MAD1L1: variants seen among roughly 807,000 people sequenced by gnomAD.
The protein encoded by MAD1L1 is mitotic arrest deficient 1 like 1.
In MAD1L1, 95 loss-of-function variants were observed where a neutral mutation model predicts 96.9. The ratio of observed to expected loss-of-function variants is 0.98; its 90% CI spans 0.83 to 1.16. The LOEUF (loss-of-function observed/expected upper bound fraction) is 1.16, where lower values mean the gene tolerates loss of function less well. Among genes scored for constraint, MAD1L1 ranks in the 50% most tolerant of loss-of-function variants. MAD1L1 has a pLI of 0.00. For synonymous variants in MAD1L1, 473 were observed against 396.6 expected, an observed-to-expected ratio of 1.19 and a Z score of -2.29; for missense variants, 1,007 against 954.4, an observed-to-expected ratio of 1.06 and a Z score of -0.73.
intron 18 of MAD1L1, among the ~76,000 whole-genome samples, chr7:1,897,457 C>T (rs966945105): frequency 2.6e-5 from 4 of 152,210 alleles, no homozygotes; most frequent in African/African-American, 4.8e-5. Flanking sequence ...AATGCCACAC[C>T]AGGCCGACGG....
intron 18 of MAD1L1, among the ~76,000 whole-genome samples, chr7:1,826,241 G>T (rs541913176): frequency 6.6e-6 from 1 of 152,274 alleles, no homozygotes; most frequent in African/African-American, 2.4e-5. Flanking sequence ...TGATCCAGGA[G>T]CAGCAGCCAC....
intron 10 of MAD1L1, among the ~76,000 whole-genome samples, chr7:2,212,735 TC>T (rs897079191): frequency 1.3e-5 from 2 of 152,150 alleles, no homozygotes; most frequent in African/African-American, 4.8e-5. Flanking sequence ...GTGAGCCAAT[TC>T]CACCTCTTCT....
chr7:2,045,297 G>A (rs568834794), intron 12 of MAD1L1, among the ~76,000 whole-genome samples: 3 of 151,938 alleles, frequency 2.0e-5, no homozygotes, highest in Non-Finnish European at 4.4e-5. Flanking sequence ...GTGTCCCCGT[G>A]AGATACCCCA....
At chr7:1,982,499 G>A (rs532516953) in intron 14 of MAD1L1, among the ~76,000 whole-genome samples, 12 of 152,332 alleles carry the variant, frequency 7.9e-5, no homozygotes, top group Admixed American at 5.2e-4. Flanking sequence ...GTGAGCCGCC[G>A]CGCCCAGCCT....
rs746391501 is a variant in MAD1L1, at chr7:2,002,152, CTG to C, written c.1360-33_1360-32del. ...AGACAAGACAGGATTCGGCCTGAGA[CTG>C]TGGTGGGCCAGGCCCCATTTCTAGG... On this transcript the variant is annotated intron_variant, in intron 13 of 18. Transcript: ENST00000265854. 5 of 1,608,232 alleles carry C rather than the reference CTG, an allele frequency of 3.1e-6. No homozygotes were observed. The African/African-American group carries it at 6.7e-5, about 21-fold the overall frequency.
At chr7:2,060,032 T>C (rs1416067234) in intron 12 of MAD1L1, among the ~76,000 whole-genome samples, 2 of 152,120 alleles carry the variant, frequency 1.3e-5, no homozygotes, top group African/African-American at 4.8e-5. Flanking sequence ...GTTCACAAGA[T>C]ACGCCGATGC....
chr7:1,930,846 A>G (rs1789429411), intron 17 of MAD1L1, among the ~76,000 whole-genome samples: 1 of 151,980 alleles, frequency 6.6e-6, no homozygotes, highest in Non-Finnish European at 1.5e-5. Context: ...AGCCCTCACA[A>G]CTTACCCTGG....
At chr7:1,862,839 C>T (rs763153816) in intron 18 of MAD1L1, among the ~76,000 whole-genome samples, 4 of 152,224 alleles carry the variant, frequency 2.6e-5, no homozygotes, top group South Asian at 2.1e-4. Context: ...AACAATTCAC[C>T]GAAACCCTCA....
intron 11 of MAD1L1, chr7:2,080,074 G>GC (rs1233229911): frequency 5.0e-6 from 1 of 201,840 alleles, no homozygotes; most frequent in Non-Finnish European, 1.0e-5. Flanking sequence ...GCCCCAAGGG[G>GC]CCACATGGCC....
At chr7:1,874,130 TG>T (rs1172911201) in intron 18 of MAD1L1, among the ~76,000 whole-genome samples, 1 of 150,918 alleles carries the variant, frequency 6.6e-6, no homozygotes, top group Non-Finnish European at 1.5e-5. Context: ...TGCACCGGAG[TG>T]GGGATGGAAA....
chr7:2,030,446 T>C (rs1191770861), intron 12 of MAD1L1, among the ~76,000 whole-genome samples: 2 of 152,238 alleles, frequency 1.3e-5, no homozygotes, highest in African/African-American at 4.8e-5. Flanking sequence ...CCAAATGCAT[T>C]TCTTGCTTCA....
rs562830057 is a variant in MAD1L1 at position 1,828,559 on chromosome 7, C to G, written c.1999-12331G>C. Among the ~76,000 whole-genome samples the G allele has an allele frequency of 1.3e-4, 20 of 152,356 alleles. No homozygotes were observed. The East Asian group carries it at 3.7e-3, about 28-fold the overall frequency. On this transcript the variant is annotated intron_variant, in intron 18 of 18. Coordinates refer to ENST00000265854, the MANE Select transcript of MAD1L1 (RefSeq NM_001013836.2). ...GGGCACAGCACTGAGATGGACACCC[C>G]GCAGCAAGGGGCGGTGTGAGCCCCA...
chr7:2,085,178 C>T (rs1269090329), intron 11 of MAD1L1, among the ~76,000 whole-genome samples: 1 of 152,232 alleles, frequency 6.6e-6, no homozygotes, highest in African/African-American at 2.4e-5. Context: ...TAACTCCACG[C>T]TCACCTCAAG....
chr7:1,818,013 T>C (rs1398823360), intron 18 of MAD1L1, among the ~76,000 whole-genome samples: 1 of 152,006 alleles, frequency 6.6e-6, no homozygotes, highest in Non-Finnish European at 1.5e-5. Flanking sequence ...TCTGCTGCCT[T>C]AGTACATTTG....
chr7:2,128,695 C>T lies in MAD1L1; in HGVS notation c.1073+20457G>A, dbSNP rs561449471. On this transcript the variant is annotated intron_variant, in intron 11 of 18. Coordinates refer to ENST00000265854, the MANE Select transcript of MAD1L1 (RefSeq NM_001013836.2). ...GCCTTGGCCATTGCAGGGATCCTGG[C>T]GGGGACACAGAGGGGCTGAAACCGG... Among the ~76,000 whole-genome samples the T allele has an allele frequency of 7.9e-5, 12 of 152,274 alleles. No individual in the cohort carries two copies. The East Asian group carries it at 1.4e-3, about 17-fold the overall frequency.
chr7:2,163,822 A>C (rs951889972), intron 10 of MAD1L1, among the ~76,000 whole-genome samples: 1 of 152,116 alleles, frequency 6.6e-6, no homozygotes, highest in Non-Finnish European at 1.5e-5. Flanking sequence ...TCACCATGCG[A>C]ATCTGACACA....
chr7:1,863,116 G>C (rs1784608605), intron 18 of MAD1L1, among the ~76,000 whole-genome samples: 1 of 152,268 alleles, frequency 6.6e-6, no homozygotes, highest in Non-Finnish European at 1.5e-5. Context: ...AGAGGAGGGA[G>C]CCCCAAGCCC....
chr7:2,138,477 A>C (rs140383526), intron 11 of MAD1L1, among the ~76,000 whole-genome samples: 3 of 152,320 alleles, frequency 2.0e-5, no homozygotes, highest in African/African-American at 7.2e-5. Flanking sequence ...AGAGGTTGAA[A>C]ACAGATCCTA....
chr7:1,928,171 C>T (rs947901035), intron 17 of MAD1L1, among the ~76,000 whole-genome samples: 1 of 149,830 alleles, frequency 6.7e-6, no homozygotes, highest in Non-Finnish European at 1.5e-5. Context: ...ACTCCCGCCA[C>T]GCCTGAGACT....
Sources: gnomAD v4.1 joint callset for allele counts (sites outside exome capture counted in the v4.1 genomes callset) on GRCh38, gnomAD v4.1.1 for gene constraint, MANE v1.5 for transcripts, NCBI Gene and HGNC (gene_info 2026-07-23, HGNC 2026-07-21) for gene names.